PCSK2: variants seen among roughly 807,000 people sequenced by gnomAD.
PCSK2 encodes the protein neuroendocrine convertase 2.
A neutral mutation model predicts 69.7 loss-of-function variants in PCSK2; 14 were observed. The ratio of observed to expected loss-of-function variants is 0.20; its 90% CI spans 0.13 to 0.31. PCSK2 has a LOEUF of 0.31. PCSK2 is among the 10% of genes least tolerant of loss of function. The probability of loss-of-function intolerance (pLI) is 1.00; values close to 1 mark genes in which losing one functional copy is unlikely to be tolerated. For synonymous variants in PCSK2, 307 were observed against 320.7 expected, an observed-to-expected ratio of 0.96 and a Z score of 0.46; for missense variants, 544 against 842.5, an observed-to-expected ratio of 0.65 and a Z score of 4.39.
chr20:17,340,291 C>T (rs560890068), intron 2 of PCSK2, among the ~76,000 whole-genome samples: 2 of 24,348 alleles, frequency 8.2e-5, no homozygotes, highest in South Asian at 4.8e-3. Flanking sequence ...ATTCCCATCC[C>T]CCAAACTAAC....
chr20:17,324,861 C>T (rs927073604), intron 2 of PCSK2, among the ~76,000 whole-genome samples: 2 of 152,156 alleles, frequency 1.3e-5, no homozygotes, highest in Non-Finnish European at 2.9e-5. Context: ...TGCTCAAATA[C>T]TGGGTTGCCA....
chr20:17,458,013 C>T (rs1267113997), intron 10 of PCSK2, among the ~76,000 whole-genome samples: 1 of 152,212 alleles, frequency 6.6e-6, no homozygotes, highest in African/African-American at 2.4e-5. Flanking sequence ...AGTCACCATT[C>T]TTTTAGCACA....
intron 1 of PCSK2, among the ~76,000 whole-genome samples, chr20:17,250,305 T>C (rs1214814416): frequency 6.6e-6 from 1 of 152,214 alleles, no homozygotes; most frequent in East Asian, 1.9e-4. Flanking sequence ...TTTATGAACA[T>C]GATGACTTTA....
intron 2 of PCSK2, among the ~76,000 whole-genome samples, chr20:17,272,116 A>T (rs982965665): frequency 6.6e-6 from 1 of 152,134 alleles, no homozygotes; most frequent in Admixed American, 6.6e-5. Context: ...TGCCCCCTGG[A>T]CCTTCCTAGA....
At chr20:17,260,697 G>A (rs1987348151) in intron 2 of PCSK2, among the ~76,000 whole-genome samples, 1 of 152,122 alleles carries the variant, frequency 6.6e-6, no homozygotes, top group South Asian at 2.1e-4. Flanking sequence ...TCATTTTACG[G>A]AAGGTTTCTA....
intron 1 of PCSK2, 128 bp downstream of exon 1, chr20:17,227,610 C>T: frequency 3.0e-6 from 2 of 664,880 alleles, no homozygotes. Flanking sequence ...CTGCCATGGG[C>T]TCTTTAACAC....
At chr20:17,373,295 G>T (rs1273230311) in intron 5 of PCSK2, among the ~76,000 whole-genome samples, 1 of 152,226 alleles carries the variant, frequency 6.6e-6, no homozygotes. Flanking sequence ...AGCTCTGGGA[G>T]ACAGCATAGA....
At chr20:17,381,282 C>A (rs957337816) in intron 5 of PCSK2, among the ~76,000 whole-genome samples, 1 of 152,164 alleles carries the variant, frequency 6.6e-6, no homozygotes, top group South Asian at 2.1e-4. Flanking sequence ...TTAACATCAC[C>A]GGGAGTATTA....
At chr20:17,451,355 T>A (rs1036252129) in intron 8 of PCSK2, among the ~76,000 whole-genome samples, 1 of 152,184 alleles carries the variant, frequency 6.6e-6, no homozygotes, top group African/African-American at 2.4e-5. Flanking sequence ...GTTCTGCTGA[T>A]CTGCACCAGG....
chr20:17,337,003 C>T (rs1049667543), intron 2 of PCSK2, among the ~76,000 whole-genome samples: 1 of 152,160 alleles, frequency 6.6e-6, no homozygotes, highest in African/African-American at 2.4e-5. Flanking sequence ...ATATAGAGGA[C>T]ATCCAAGAAA....
At chr20:17,337,619 A>T (rs1182047670) in intron 2 of PCSK2, among the ~76,000 whole-genome samples, 2 of 152,268 alleles carry the variant, frequency 1.3e-5, no homozygotes, top group East Asian at 3.9e-4. Context: ...CCTGAAATAA[A>T]TAATAATCAT....
Position 17,358,218 on chromosome 20 carries a change from G to GA in PCSK2, c.283-102dup, listed in dbSNP as rs1048973312. 3 of 674,754 alleles carry GA rather than the reference G, an allele frequency of 4.4e-6. No homozygotes were observed. The African/African-American group carries it at 5.5e-5, about 12-fold the overall frequency. 41.8% of individuals were successfully genotyped at this position (674,754 alleles called of 1,614,324 possible). A position where few individuals can be genotyped will look rare whatever the true frequency, so the allele number is the denominator to read the frequency against. ...ATGAGATGAACTTGCTTTTGCCAAA[G>GA]AAAAAAATACACCTGATATACAAAT... On this transcript the variant is annotated intron_variant, in intron 2 of 11. Coordinates refer to ENST00000262545, the MANE Select transcript of PCSK2 (RefSeq NM_002594.5).
At chr20:17,313,754 T>G (rs1315852200) in intron 2 of PCSK2, among the ~76,000 whole-genome samples, 1 of 152,210 alleles carries the variant, frequency 6.6e-6, no homozygotes, top group African/African-American at 2.4e-5. Context: ...CTCTTGCTAA[T>G]GGAAGGACGA....
Position 17,481,843 on chromosome 20 carries a change from G to C in PCSK2, c.1690G>C (p.Ala564Pro). ...GACCACTCACACGTGGGGGGAAGAC[G>C]CCCGAGGCACCTGGACCCTGGAGCT... ...FMTTHTWGED[A>P]RGTWTLELGF... The change falls in exon 12 of 12, where the codon GCC becomes CCC. Residue 564 changes from alanine (A) to proline (P), a missense_variant. Physicochemically the swap from Ala to Pro is conservative, Grantham distance 27. Coordinates refer to ENST00000262545, the MANE Select transcript of PCSK2 (RefSeq NM_002594.5). 1 of 1,614,118 alleles carries C rather than the reference G, an allele frequency of 6.2e-7. No individual in the cohort carries two copies. The highest frequency in any genetic ancestry group is 1.1e-5 in the South Asian group (1 of 91,082).
chr20:17,474,682 G>A (rs954211318), intron 11 of PCSK2, among the ~76,000 whole-genome samples: 1 of 152,190 alleles, frequency 6.6e-6, no homozygotes, highest in African/African-American at 2.4e-5. Flanking sequence ...CACACAGACA[G>A]GAACACACCG....
intron 5 of PCSK2, among the ~76,000 whole-genome samples, chr20:17,401,431 A>G (rs1174051409): frequency 6.6e-6 from 1 of 152,128 alleles, no homozygotes; most frequent in Non-Finnish European, 1.5e-5. Context: ...TTATAAGGGC[A>G]CTAATCCCGT....
chr20:17,282,156 C>CAT (rs924294264), intron 2 of PCSK2, among the ~76,000 whole-genome samples: 11 of 151,666 alleles, frequency 7.3e-5, no homozygotes, highest in Middle Eastern at 3.4e-3. Flanking sequence ...TATATATTTA[C>CAT]ATATATATAT....
chr20:17,422,600 G>A (rs2032156967), intron 6 of PCSK2, among the ~76,000 whole-genome samples: 2 of 150,974 alleles, frequency 1.3e-5, no homozygotes, highest in Admixed American at 1.3e-4. Flanking sequence ...CAAAATAGAA[G>A]AAGACAAGTA....
intron 1 of PCSK2, among the ~76,000 whole-genome samples, chr20:17,259,785 CAGA>C (rs1357231963): frequency 6.6e-6 from 1 of 152,168 alleles, no homozygotes; most frequent in African/African-American, 2.4e-5. Flanking sequence ...GCCCAAGACA[CAGA>C]CAGACAGTTG....
Sources: allele counts gnomAD v4.1 joint callset (sites outside exome capture counted in the v4.1 genomes callset), GRCh38; gene constraint gnomAD v4.1.1; transcripts MANE v1.5; gene names NCBI Gene and HGNC (gene_info 2026-07-23, HGNC 2026-07-21).